The following SYT16 variants were observed in gnomAD, a reference collection of about 807,000 sequenced individuals.
The protein encoded by SYT16 is synaptotagmin-16.
SYT16 carries 42 observed loss-of-function variants against 61.4 expected under a neutral mutation model. The observed-to-expected ratio is 0.68, with a 90% CI of 0.53 to 0.89. The LOEUF is 0.89. Among genes scored for constraint, SYT16 ranks in the 40% least tolerant of loss-of-function variants. The pLI is 0.00. For missense variants in SYT16, 804 were observed against 807.3 expected, an observed-to-expected ratio of 1.00 and a Z score of 0.05; for synonymous variants, 314 against 302.3, an observed-to-expected ratio of 1.04 and a Z score of -0.40.
At chr14:62,058,400 C>G (rs1481259917) in intron 3 of SYT16, among the ~76,000 whole-genome samples, 1 of 149,378 alleles carries the variant, frequency 6.7e-6, no homozygotes, top group Middle Eastern at 3.2e-3. Context: ...CTCTGTCACC[C>G]AGGCTGGAGT....
chr14:62,036,286 A>G (rs2054503642), intron 3 of SYT16, among the ~76,000 whole-genome samples: 1 of 152,132 alleles, frequency 6.6e-6, no homozygotes, highest in Non-Finnish European at 1.5e-5. Flanking sequence ...GAGGATCTGA[A>G]AAAAGAAAAG....
intron 4 of SYT16, among the ~76,000 whole-genome samples, chr14:62,070,749 G>A (rs1001864262): frequency 2.0e-5 from 3 of 152,180 alleles, no homozygotes; most frequent in South Asian, 4.1e-4. Flanking sequence ...AAGAGAAAAT[G>A]CTATGCCACC....
At chr14:61,863,854 AG>A (rs2140292725) in intron 1 of SYT16, among the ~76,000 whole-genome samples, 1 of 152,282 alleles carries the variant, frequency 6.6e-6, no homozygotes, top group South Asian at 2.1e-4. Flanking sequence ...TTCCAGCACC[AG>A]TCGTGGAAAA....
At chr14:62,095,485 A>G (rs1193401374) in intron 7 of SYT16, among the ~76,000 whole-genome samples, 2 of 151,962 alleles carry the variant, frequency 1.3e-5, no homozygotes, top group African/African-American at 4.8e-5. Context: ...TTAAAATGTT[A>G]CTATTTATAA....
intron 1 of SYT16, among the ~76,000 whole-genome samples, chr14:61,900,506 G>A (rs1466609238): frequency 6.6e-6 from 1 of 152,160 alleles, no homozygotes; most frequent in Admixed American, 6.6e-5. Flanking sequence ...TTCCAGGAAG[G>A]CCAATTTATT....
At chr14:61,932,947 T>A (rs1399517788) in intron 1 of SYT16, among the ~76,000 whole-genome samples, 2 of 152,202 alleles carry the variant, frequency 1.3e-5, no homozygotes, top group African/African-American at 4.8e-5. Context: ...TGGTCATAGT[T>A]AGCTTTGGCT....
chr14:61,917,293 T>A (rs2049156596), intron 1 of SYT16, among the ~76,000 whole-genome samples: 1 of 152,168 alleles, frequency 6.6e-6, no homozygotes, highest in Non-Finnish European at 1.5e-5. Context: ...GTACCCTGTC[T>A]CTTTGGCCAT....
chr14:61,949,402 A>C (rs898071386), intron 1 of SYT16, among the ~76,000 whole-genome samples: 1 of 152,156 alleles, frequency 6.6e-6, no homozygotes, highest in African/African-American at 2.4e-5. Context: ...ACAGAGACTG[A>C]GTATCTCTGT....
intron 3 of SYT16, among the ~76,000 whole-genome samples, chr14:61,997,269 G>A (rs190423172): frequency 6.6e-6 from 1 of 151,988 alleles, no homozygotes; most frequent in Non-Finnish European, 1.5e-5. Flanking sequence ...CCTGGTTAAG[G>A]GACAGAGGTA....
rs553596821 is a variant in SYT16, at chr14:61,909,429, T to C, written c.-324-60703T>C. Among the ~76,000 whole-genome samples the C allele has an allele frequency of 3.6e-4, 55 of 152,292 alleles. No homozygotes were observed. The South Asian group carries it at 7.5e-3, about 21-fold the overall frequency. ...GAAGGTGCCAGGGAGCGAATCTTTC[T>C]TTGCCTCCCCTTATGGCTCCAGGTG... is the stretch of plus-strand genomic sequence containing the variant. On this transcript the variant is annotated intron_variant, in intron 1 of 7. Coordinates refer to ENST00000683842, the MANE Select transcript of SYT16 (RefSeq NM_001367656.1).
chr14:61,891,240 G>A lies in SYT16; in HGVS notation c.-325+78430G>A, dbSNP rs1007086095. 1.2e-4 allele frequency among the ~76,000 whole-genome samples: 10 copies of A among 85,800 alleles called. No individual in the cohort carries two copies. The South Asian group carries it at 2.2e-3, about 19-fold the overall frequency. 56.3% of individuals were successfully genotyped at this position (85,800 alleles called of 152,430 possible). ...CATGTGTGCACGTGCATACACACAC[G>A]CGCACACACACACACACACACACAC... is the stretch of plus-strand genomic sequence containing the variant. On this transcript the variant is annotated intron_variant, in intron 1 of 7. Coordinates refer to ENST00000683842, the MANE Select transcript of SYT16 (RefSeq NM_001367656.1).
intron 2 of SYT16, among the ~76,000 whole-genome samples, chr14:61,990,773 A>G (rs1376721865): frequency 6.6e-6 from 1 of 152,068 alleles, no homozygotes; most frequent in Non-Finnish European, 1.5e-5. Flanking sequence ...TTAACTAACA[A>G]CCCTTAAAGG....
intron 1 of SYT16, among the ~76,000 whole-genome samples, chr14:61,944,341 T>G (rs139356909): frequency 1.3e-3 from 191 of 152,288 alleles, no homozygotes; most frequent in Non-Finnish European, 2.4e-3. Context: ...GCTATCCCCA[T>G]CAAGCTACCA....
At chr14:61,963,119 G>A (rs1369305684) in intron 1 of SYT16, among the ~76,000 whole-genome samples, 1 of 152,006 alleles carries the variant, frequency 6.6e-6, no homozygotes, top group Non-Finnish European at 1.5e-5. Flanking sequence ...CCTCTCCTCA[G>A]GCCTTCCTAT....
intron 1 of SYT16, among the ~76,000 whole-genome samples, chr14:61,941,983 C>A (rs1314444636): frequency 6.6e-6 from 1 of 152,158 alleles, no homozygotes; most frequent in Non-Finnish European, 1.5e-5. Flanking sequence ...ACTCATCAGT[C>A]AAACAAATGT....
intron 2 of SYT16, among the ~76,000 whole-genome samples, chr14:61,986,300 TAAA>T (rs2052308385): frequency 6.6e-6 from 1 of 152,008 alleles, no homozygotes; most frequent in South Asian, 2.1e-4. Flanking sequence ...AAAAGACTAA[TAAA>T]TGCCAAATTT....
At chr14:62,050,765 C>T (rs1410554681) in intron 3 of SYT16, among the ~76,000 whole-genome samples, 1 of 152,120 alleles carries the variant, frequency 6.6e-6, no homozygotes, top group Non-Finnish European at 1.5e-5. Flanking sequence ...TGGGTATCAG[C>T]AGTGGTGGCT....
chr14:61,883,752 CCTGGGTCTGG>C (rs2047787741), intron 1 of SYT16, among the ~76,000 whole-genome samples: 2 of 152,166 alleles, frequency 1.3e-5, no homozygotes, highest in African/African-American at 4.8e-5. Flanking sequence ...TGAAGAAATA[CCTGGGTCTGG>C]CTGTTTTATA....
intron 1 of SYT16, among the ~76,000 whole-genome samples, chr14:61,928,650 C>T (rs1319720282): frequency 6.6e-6 from 1 of 152,150 alleles, no homozygotes; most frequent in Non-Finnish European, 1.5e-5. Context: ...ACATTTTGTT[C>T]TCATTTACAG....
Sources: gnomAD v4.1 joint callset for allele counts (sites outside exome capture counted in the v4.1 genomes callset) on GRCh38, gnomAD v4.1.1 for gene constraint, MANE v1.5 for transcripts, NCBI Gene and HGNC (gene_info 2026-07-23, HGNC 2026-07-21) for gene names.